Variants in ENTPD4 observed in about 807,000 individuals in gnomAD.
ENTPD4 encodes Golgi UDPase.
ENTPD4 carries 60 observed loss-of-function variants against 79.1 expected under a neutral mutation model. That is an observed-to-expected ratio of 0.76 (90% CI 0.62 to 0.94). ENTPD4 has a LOEUF of 0.94. Among genes scored for constraint, ENTPD4 ranks in the 40% least tolerant of loss-of-function variants. ENTPD4 has a pLI of 0.00. For synonymous variants in ENTPD4, 276 were observed against 292.0 expected (o/e 0.95, Z 0.56); for missense variants, 772 against 775.1 (o/e 1.00, Z 0.05).
At chr8:23,449,870 T>C (rs752075512) in intron 2 of ENTPD4, 23 bp downstream of exon 2, 4 of 1,603,560 alleles carry the variant, frequency 2.5e-6, no homozygotes, top group South Asian at 1.1e-5. Flanking sequence ...TCATGTTTCA[T>C]GGTGATTAGG....
chr8:23,434,787 T>G, intron 11 of ENTPD4: 1 of 1,024,400 alleles, frequency 9.8e-7, no homozygotes, highest in Admixed American at 4.0e-5. Flanking sequence ...CTTGAATGAA[T>G]ACTGAACAGG....
At chr8:23,436,909 A>G in intron 10 of ENTPD4, 25 bp downstream of exon 10, 2 of 1,538,294 alleles carry the variant, frequency 1.3e-6, no homozygotes, top group Non-Finnish European at 1.8e-6. Context: ...AAGCATGCAG[A>G]GCAGACGGCG....
chr8:23,429,429 T>C lies in ENTPD4; in HGVS notation c.*3497A>G, dbSNP rs1800417475. 2.0e-6 allele frequency: 2 copies of C among 984,956 alleles called. No individual in the cohort carries two copies. Among genetic ancestry groups the C allele is most frequent in the South Asian group, 4.7e-5 (1 of 21,280 alleles). 61.0% of individuals were successfully genotyped at this position (984,956 alleles called of 1,614,324 possible). ...TCATTATTGAAAGGGAAACTTAGTA[T>C]CAAAAGAAACAAAACACTGAAATAA... On this transcript the variant is annotated 3_prime_UTR_variant, in exon 13 of 13. Transcript: ENST00000358689.
intron 9 of ENTPD4, 145 bp from the exon 10 acceptor site, chr8:23,437,403 G>C: frequency 1.6e-6 from 1 of 622,628 alleles, no homozygotes; most frequent in East Asian, 2.8e-5. Context: ...AGGGTTCCGA[G>C]ATAATTAGTT....
At chr8:23,440,208 C>T in intron 8 of ENTPD4, 1 of 274,878 alleles carries the variant, frequency 3.6e-6, no homozygotes, top group Non-Finnish European at 6.9e-6. Context: ...GGAAATACAC[C>T]TAAACATGGA....
chr8:23,449,062 G>A, intron 2 of ENTPD4, 123 bp from the exon 3 acceptor site: 1 of 706,704 alleles, frequency 1.4e-6, no homozygotes, highest in Non-Finnish European at 2.4e-6. Context: ...GTAGGTATCT[G>A]TATACTGGCA....
At chr8:23,433,231 G>A (rs1800492839) in intron 12 of ENTPD4, 77 bp from the exon 13 acceptor site, 3 of 1,269,354 alleles carry the variant, frequency 2.4e-6, no homozygotes, top group Admixed American at 2.0e-5. Context: ...GGGGGACGGC[G>A]GGACCCAGGC....
chr8:23,439,931 T>A lies in ENTPD4; in HGVS notation c.883-16A>T, dbSNP rs766955192. 6.2e-7 allele frequency: 1 copy of A among 1,610,906 alleles called. No individual in the cohort carries two copies. Among genetic ancestry groups the A allele is most frequent in the African/African-American group, 1.3e-5 (1 of 74,956 alleles). ...CTACTTCTTCCTGCAGACATAAGCATAACAAACCTTAATAGCTTAAGCTAC... is the reference window on the plus strand; with the variant it reads ...CTACTTCTTCCTGCAGACATAAGCAAAACAAACCTTAATAGCTTAAGCTAC... On this transcript the variant is annotated splice_polypyrimidine_tract_variant and intron_variant, in intron 8 of 12. Transcript: ENST00000358689.
intron 1 of ENTPD4, among the ~76,000 whole-genome samples, chr8:23,457,258 G>T (rs1279645710): frequency 6.6e-6 from 1 of 152,184 alleles, no homozygotes; most frequent in Non-Finnish European, 1.5e-5. Flanking sequence ...CCCATTCGAG[G>T]GGGGGATCCC....
At chr8:23,434,236 C>A in intron 12 of ENTPD4, 81 bp downstream of exon 12, 1 of 1,553,550 alleles carries the variant, frequency 6.4e-7, no homozygotes, top group Non-Finnish European at 8.8e-7. Flanking sequence ...CCCCAAACAG[C>A]CACAGACCAC....
In ENTPD4 at chr8:23,447,676, A is replaced by G. The variant is rs1800785253; in HGVS notation, c.412+4T>C. On this transcript the variant is annotated splice_donor_region_variant and intron_variant, in intron 4 of 12. Transcript: ENST00000358689. ...TTACCAGGCAGATGTTCTCATTTAC[A>G]TACCCGGTTTTATCTTCATGACCAC... 3 of 1,611,334 alleles carry G rather than the reference A, an allele frequency of 1.9e-6. No homozygotes were observed. Among genetic ancestry groups the G allele is most frequent in the Non-Finnish European group, 2.5e-6 (3 of 1,177,416 alleles).
In ENTPD4 at chr8:23,429,373, C is replaced by A; in HGVS notation, c.*3553G>T. 2 of 985,078 alleles carry A rather than the reference C, an allele frequency of 2.0e-6. No homozygotes were observed. Among genetic ancestry groups the A allele is most frequent in the South Asian group, 9.4e-5 (2 of 21,282 alleles). The allele number at this position is 985,078 out of a possible 1,614,324, so 61.0% of individuals were successfully genotyped here. ...TGTAAAATATAATTTTAGTACAGAA[C>A]AAACAAATTCTCCTTGGTTGGTCAC... On this transcript the variant is annotated 3_prime_UTR_variant, in exon 13 of 13. Coordinates refer to ENST00000358689, the MANE Select transcript of ENTPD4 (RefSeq NM_004901.5).
chr8:23,440,615 G>C (rs914047171), intron 8 of ENTPD4, among the ~76,000 whole-genome samples: 3 of 152,092 alleles, frequency 2.0e-5, no homozygotes, highest in Admixed American at 2.0e-4. Context: ...ATGGGAGGTA[G>C]GAAAAACAAA....
At chr8:23,433,212 G>C in intron 12 of ENTPD4, 58 bp from the exon 13 acceptor site, 1 of 1,460,738 alleles carries the variant, frequency 6.8e-7, no homozygotes, top group African/African-American at 1.4e-5. Context: ...GGGGTGGAAA[G>C]GGTGCACAGG....
intron 1 of ENTPD4, among the ~76,000 whole-genome samples, chr8:23,457,324 G>A (rs1478258209): frequency 4.6e-5 from 7 of 150,902 alleles, no homozygotes; most frequent in Non-Finnish European, 7.4e-5. Context: ...GGCTGGGGGA[G>A]CGCGCCGGCC....
chr8:23,445,977 C>T (rs1800757103), intron 4 of ENTPD4, among the ~76,000 whole-genome samples: 1 of 152,116 alleles, frequency 6.6e-6, no homozygotes, highest in Non-Finnish European at 1.5e-5. Context: ...AGTGATTCAT[C>T]AAAGGAATTA....
At chr8:23,435,188 G>C (rs1460188903) in intron 11 of ENTPD4, among the ~76,000 whole-genome samples, 3 of 152,238 alleles carry the variant, frequency 2.0e-5, no homozygotes, top group Admixed American at 2.0e-4. Context: ...TCAGGGGTAA[G>C]AGACAGTAAA....
chr8:23,435,570 C>A, intron 10 of ENTPD4, 93 bp from the exon 11 acceptor site: 1 of 843,364 alleles, frequency 1.2e-6, no homozygotes, highest in Non-Finnish European at 2.0e-6. Context: ...TTGTAACAAG[C>A]ATATCCTTCC....
chr8:23,450,672 C>T (rs561733690), intron 1 of ENTPD4, among the ~76,000 whole-genome samples: 22 of 152,180 alleles, frequency 1.4e-4, no homozygotes, highest in Admixed American at 3.9e-4. Flanking sequence ...CTGCCAACCC[C>T]GACTACTCTT....
Sources: allele counts gnomAD v4.1 joint callset (sites outside exome capture counted in the v4.1 genomes callset), GRCh38; gene constraint gnomAD v4.1.1; transcripts MANE v1.5; gene names NCBI Gene and HGNC (gene_info 2026-07-23, HGNC 2026-07-21).